The following TAFA4 variants were observed in gnomAD, a reference collection of about 807,000 sequenced individuals.
TAFA4 encodes the protein TAFA chemokine like family member 4.
TAFA4 carries 20 observed loss-of-function variants against 21.1 expected under a neutral mutation model. That is an observed-to-expected ratio of 0.95 (90% CI 0.67 to 1.38). The LOEUF is 1.38. Among genes scored for constraint, TAFA4 ranks in the 40% most tolerant of loss-of-function variants. The pLI, the probability that TAFA4 is intolerant of heterozygous loss-of-function variation, is 0.00. For missense variants in TAFA4, 211 were observed against 180.9 expected, an observed-to-expected ratio of 1.17 and a Z score of -0.95; for synonymous variants, 71 against 67.4, an observed-to-expected ratio of 1.05 and a Z score of -0.26.
At chr3:68,755,148 T>C (rs1356787921) in intron 3 of TAFA4, among the ~76,000 whole-genome samples, 1 of 152,152 alleles carries the variant, frequency 6.6e-6, no homozygotes, top group Admixed American at 6.5e-5. Flanking sequence ...CTTGCTACTC[T>C]CCCAACAACT....
At chr3:68,788,376 G>A (rs1677904514) in intron 3 of TAFA4, among the ~76,000 whole-genome samples, 1 of 152,126 alleles carries the variant, frequency 6.6e-6, no homozygotes, top group South Asian at 2.1e-4. Flanking sequence ...CATCTTCTTT[G>A]AATCTTTACT....
At chr3:68,810,608 G>T (rs1207328629) in intron 3 of TAFA4, among the ~76,000 whole-genome samples, 1 of 152,186 alleles carries the variant, frequency 6.6e-6, no homozygotes, top group Non-Finnish European at 1.5e-5. Context: ...ACTGCAAGGT[G>T]GCAGTGAGGC....
chr3:68,931,828 T>TA (rs2090161941), intron 1 of TAFA4, among the ~76,000 whole-genome samples: 1 of 151,958 alleles, frequency 6.6e-6, no homozygotes, highest in Admixed American at 6.5e-5. Context: ...AGAAAGATCC[T>TA]AGCTCAGATT....
chr3:68,794,120 C>G (rs1703412914), intron 3 of TAFA4, among the ~76,000 whole-genome samples: 1 of 152,082 alleles, frequency 6.6e-6, no homozygotes, highest in South Asian at 2.1e-4. Context: ...TATCTTTTTG[C>G]CAAGCTTTGG....
intron 3 of TAFA4, among the ~76,000 whole-genome samples, chr3:68,778,776 C>G (rs568898043): frequency 1.1e-4 from 17 of 152,220 alleles, no homozygotes; most frequent in Non-Finnish European, 2.2e-4. Context: ...ATAAATTGCC[C>G]AGTCTCAGGT....
At chr3:68,874,454 T>C (rs957719205) in intron 3 of TAFA4, among the ~76,000 whole-genome samples, 3 of 152,100 alleles carry the variant, frequency 2.0e-5, no homozygotes, top group African/African-American at 7.2e-5. Context: ...TTATTTTCCT[T>C]ATAGGGAACA....
chr3:68,747,998 T>C (rs1270244315), intron 4 of TAFA4, among the ~76,000 whole-genome samples: 1 of 152,122 alleles, frequency 6.6e-6, no homozygotes, highest in Admixed American at 6.5e-5. Context: ...CACCATCATA[T>C]CCTTCTACCT....
At chr3:68,764,544 C>T (rs1383769196) in intron 3 of TAFA4, among the ~76,000 whole-genome samples, 2 of 152,098 alleles carry the variant, frequency 1.3e-5, no homozygotes, top group African/African-American at 2.4e-5. Context: ...TTGAGCAAAA[C>T]AAATCACTCG....
At chr3:68,802,184 C>A (rs918051140) in intron 3 of TAFA4, among the ~76,000 whole-genome samples, 1 of 152,140 alleles carries the variant, frequency 6.6e-6, no homozygotes, top group Non-Finnish European at 1.5e-5. Flanking sequence ...AGTTAGCTAA[C>A]TTTCATATGC....
intron 3 of TAFA4, among the ~76,000 whole-genome samples, chr3:68,879,351 C>A (rs149860168): frequency 1.8e-4 from 28 of 152,214 alleles, no homozygotes; most frequent in African/African-American, 6.3e-4. Context: ...GACAAAAATG[C>A]CACATGGACA....
chr3:68,886,736 A>G (rs1414447544), intron 1 of TAFA4, among the ~76,000 whole-genome samples: 1 of 152,206 alleles, frequency 6.6e-6, no homozygotes, highest in Non-Finnish European at 1.5e-5. Flanking sequence ...AGTGTACCTG[A>G]GGCACTTACT....
At chr3:68,811,683 C>G (rs1277043599) in intron 3 of TAFA4, among the ~76,000 whole-genome samples, 1 of 152,024 alleles carries the variant, frequency 6.6e-6, no homozygotes, top group Non-Finnish European at 1.5e-5. Flanking sequence ...GTGAAAAGAC[C>G]AAATCTATGT....
At chr3:68,835,138 C>G (rs112325556) in intron 3 of TAFA4, among the ~76,000 whole-genome samples, 15 of 152,108 alleles carry the variant, frequency 9.9e-5, no homozygotes, top group Non-Finnish European at 2.1e-4. Context: ...GAACACCTGG[C>G]CCCCAGTTAT....
At chr3:68,771,455 G>A (rs923102159) in intron 3 of TAFA4, among the ~76,000 whole-genome samples, 1 of 152,198 alleles carries the variant, frequency 6.6e-6, no homozygotes, top group Non-Finnish European at 1.5e-5. Flanking sequence ...CTCCCCTTTG[G>A]GGTTTGAGCA....
chr3:68,831,193 G>A (rs1704382263), intron 3 of TAFA4, among the ~76,000 whole-genome samples: 1 of 152,124 alleles, frequency 6.6e-6, no homozygotes, highest in African/African-American at 2.4e-5. Context: ...TTACATTTAA[G>A]GTTAATATTG....
intron 4 of TAFA4, among the ~76,000 whole-genome samples, chr3:68,751,014 G>A (rs1322527170): frequency 6.6e-6 from 1 of 152,206 alleles, no homozygotes; most frequent in Non-Finnish European, 1.5e-5. Context: ...GAAATCCAGG[G>A]TGTTGCAAGA....
At chr3:68,754,857 G>C (rs1702630656) in intron 3 of TAFA4, among the ~76,000 whole-genome samples, 1 of 152,112 alleles carries the variant, frequency 6.6e-6, no homozygotes, top group Non-Finnish European at 1.5e-5. Flanking sequence ...CCCAGATCTA[G>C]GCAGGAGGAG....
At chr3:68,920,547 G>A (rs2090048949) in intron 1 of TAFA4, among the ~76,000 whole-genome samples, 1 of 151,836 alleles carries the variant, frequency 6.6e-6, no homozygotes, top group African/African-American at 2.4e-5. Flanking sequence ...TTTTAAATAT[G>A]CGCAGAAGCC....
At chr3:68,915,623 G>A (rs955640075) in intron 1 of TAFA4, among the ~76,000 whole-genome samples, 4 of 152,184 alleles carry the variant, frequency 2.6e-5, no homozygotes, top group Non-Finnish European at 4.4e-5. Context: ...AGAATTTGGA[G>A]CCAAGAAGTT....
Sources: allele counts gnomAD v4.1 joint callset (sites outside exome capture counted in the v4.1 genomes callset), GRCh38; gene constraint gnomAD v4.1.1; transcripts MANE v1.5; gene names NCBI Gene and HGNC (gene_info 2026-07-23, HGNC 2026-07-21).